Variants in AUTS2 observed in about 807,000 individuals in gnomAD.
AUTS2 encodes the protein autism susceptibility gene 2 protein.
Under a neutral mutation model 112.4 loss-of-function variants are expected in AUTS2, and 17 were observed. The ratio of observed to expected loss-of-function variants is 0.15; its 90% CI spans 0.10 to 0.23. AUTS2 has a LOEUF of 0.23. Among genes scored for constraint, AUTS2 ranks in the 10% least tolerant of loss-of-function variants. The pLI is 1.00. For synonymous variants in AUTS2, 751 were observed against 702.7 expected (o/e 1.07, Z -1.09); for missense variants, 1,510 against 1,701.6 (o/e 0.89, Z 1.98).
chr7:70,045,590 T>A (rs1003170370), intron 2 of AUTS2, among the ~76,000 whole-genome samples: 1 of 150,728 alleles, frequency 6.6e-6, no homozygotes, highest in Non-Finnish European at 1.5e-5. Context: ...TCACATTATT[T>A]TATTATATTA....
chr7:69,982,440 C>A (rs577807538), intron 2 of AUTS2, among the ~76,000 whole-genome samples: 38 of 151,078 alleles, frequency 2.5e-4, no homozygotes, highest in African/African-American at 9.1e-4. Context: ...CTTTTCTTCA[C>A]CCCTCCTGCT....
Position 70,668,354 on chromosome 7 carries a change from G to A in AUTS2, c.691-30215G>A, listed in dbSNP as rs78395979. 1.7e-3 allele frequency among the ~76,000 whole-genome samples: 257 copies of A among 152,304 alleles called. 4 individuals carry two copies. The highest frequency in any genetic ancestry group is 9.1e-3 in the East Asian group (47 of 5,184). On this transcript the variant is annotated intron_variant, in intron 5 of 18. Coordinates refer to ENST00000342771, the MANE Select transcript of AUTS2 (RefSeq NM_015570.4). Reference sequence around the variant, plus strand: ...CAGGACCACATCTTTGAGTGGCAACGTTGCACAGAAGACTCTCATCAGTTA... The same window carrying A: ...CAGGACCACATCTTTGAGTGGCAACATTGCACAGAAGACTCTCATCAGTTA...
chr7:70,229,304 G>A (rs1034074944), intron 4 of AUTS2, among the ~76,000 whole-genome samples: 1 of 151,998 alleles, frequency 6.6e-6, no homozygotes, highest in African/African-American at 2.4e-5. Flanking sequence ...TCTTAATTTT[G>A]CCTTCATTTT....
intron 4 of AUTS2, among the ~76,000 whole-genome samples, chr7:70,139,783 G>A (rs935346084): frequency 1.3e-5 from 2 of 152,052 alleles, no homozygotes; most frequent in African/African-American, 2.4e-5. Flanking sequence ...TGGATCACTT[G>A]AGGTCAGGAG....
intron 6 of AUTS2, among the ~76,000 whole-genome samples, chr7:70,721,314 T>G (rs1585569407): frequency 1.7e-5 from 1 of 57,546 alleles, no homozygotes; most frequent in South Asian, 5.0e-4. Context: ...GTGTGTGTGT[T>G]TCCGATGGAG....
intron 1 of AUTS2, among the ~76,000 whole-genome samples, chr7:69,625,040 G>T (rs1793879356): frequency 6.6e-6 from 1 of 151,636 alleles, no homozygotes; most frequent in Non-Finnish European, 1.5e-5. Flanking sequence ...GGGAGGAGTG[G>T]TGTCATGCTC....
chr7:70,556,869 T>G (rs1047775693), intron 5 of AUTS2, among the ~76,000 whole-genome samples: 10 of 152,178 alleles, frequency 6.6e-5, no homozygotes, highest in Non-Finnish European at 1.3e-4. Flanking sequence ...CCCCACACAC[T>G]GTGTTCCTTC....
chr7:69,754,789 C>T (rs1787881972), intron 1 of AUTS2, among the ~76,000 whole-genome samples: 1 of 152,132 alleles, frequency 6.6e-6, no homozygotes, highest in African/African-American at 2.4e-5. Flanking sequence ...TGTTATTTCT[C>T]ACCGTTTTTC....
chr7:70,106,252 G>A (rs1205215626), intron 2 of AUTS2, among the ~76,000 whole-genome samples: 4 of 152,182 alleles, frequency 2.6e-5, no homozygotes, highest in Non-Finnish European at 5.9e-5. Context: ...CTCATAATGT[G>A]AATAAGTGAC....
chr7:69,930,046 A>G (rs112517634), intron 2 of AUTS2, among the ~76,000 whole-genome samples: 181 of 152,362 alleles, frequency 1.2e-3, no homozygotes, highest in African/African-American at 4.0e-3. Flanking sequence ...AATCTGGAAA[A>G]GAGCTTAGTC....
chr7:70,205,902 A>C (rs1810550278), intron 4 of AUTS2, among the ~76,000 whole-genome samples: 1 of 152,176 alleles, frequency 6.6e-6, no homozygotes. Flanking sequence ...TTTATCAGGG[A>C]AGACTTCTTA....
intron 5 of AUTS2, among the ~76,000 whole-genome samples, chr7:70,649,770 C>T (rs936743407): frequency 3.3e-5 from 5 of 152,014 alleles, no homozygotes; most frequent in African/African-American, 7.2e-5. Context: ...CCTCGTGATT[C>T]ACCCGCCTCG....
At chr7:70,530,603 G>C (rs539544066) in intron 5 of AUTS2, among the ~76,000 whole-genome samples, 1 of 152,174 alleles carries the variant, frequency 6.6e-6, no homozygotes, top group Non-Finnish European at 1.5e-5. Flanking sequence ...GATACATTCT[G>C]TGGTTCTCTG....
intron 5 of AUTS2, among the ~76,000 whole-genome samples, chr7:70,521,697 A>G (rs780518880): frequency 5.9e-5 from 9 of 152,208 alleles, no homozygotes; most frequent in Non-Finnish European, 1.3e-4. Flanking sequence ...TGGCACCTAT[A>G]GGCAGACTTA....
At chr7:70,450,855 AG>A (rs952824682) in intron 5 of AUTS2, among the ~76,000 whole-genome samples, 8 of 152,228 alleles carry the variant, frequency 5.3e-5, no homozygotes, top group African/African-American at 1.9e-4. Context: ...ACCACTGGGA[AG>A]GGGGGTCAAG....
At chr7:70,239,153 T>G (rs1812477271) in intron 4 of AUTS2, among the ~76,000 whole-genome samples, 1 of 152,144 alleles carries the variant, frequency 6.6e-6, no homozygotes, top group African/African-American at 2.4e-5. Flanking sequence ...TCCATAATTT[T>G]ATGAACTACA....
chr7:70,246,693 G>A (rs1030390666), intron 4 of AUTS2, among the ~76,000 whole-genome samples: 3 of 151,190 alleles, frequency 2.0e-5, no homozygotes, highest in South Asian at 2.1e-4. Flanking sequence ...CTACTCTTCC[G>A]TGTAAATTTT....
chr7:69,928,492 C>T (rs1041729674), intron 2 of AUTS2, among the ~76,000 whole-genome samples: 1 of 152,190 alleles, frequency 6.6e-6, no homozygotes, highest in South Asian at 2.1e-4. Flanking sequence ...ACTGAGCTGC[C>T]CTCAGCAGCT....
rs143104097 is a variant in AUTS2 at position 70,270,322 on chromosome 7, T to C, written c.660+135751T>C. Among the ~76,000 whole-genome samples, 356 of 152,072 alleles carry C rather than the reference T, an allele frequency of 2.3e-3. 1 individual carries two copies. The highest frequency in any genetic ancestry group is 8.2e-3 in the African/African-American group (340 of 41,476). On this transcript the variant is annotated intron_variant, in intron 4 of 18. Transcript: ENST00000342771. ...TATTTCACAGAGGGTGTGGAGTTAG[T>C]ATTGGGTTTTGAAGGATGAATAGGA...
Sources: allele counts gnomAD v4.1 joint callset (sites outside exome capture counted in the v4.1 genomes callset), GRCh38; gene constraint gnomAD v4.1.1; transcripts MANE v1.5; gene names NCBI Gene and HGNC (gene_info 2026-07-23, HGNC 2026-07-21).